The following CACNG3 variants were observed in gnomAD, a reference collection of about 807,000 sequenced individuals.
CACNG3 encodes the protein calcium voltage-gated channel auxiliary subunit gamma 3.
CACNG3 carries 3 observed loss-of-function variants against 28.5 expected under a neutral mutation model. The ratio of observed to expected loss-of-function variants is 0.11; its 90% CI spans 0.05 to 0.27. CACNG3 has a LOEUF of 0.27. CACNG3 is among the 10% of genes least tolerant of loss of function. CACNG3 has a pLI of 1.00. For missense variants in CACNG3, 236 were observed against 414.4 expected, an observed-to-expected ratio of 0.57 and a Z score of 3.74; for synonymous variants, 174 against 162.2, an observed-to-expected ratio of 1.07 and a Z score of -0.55.
At chr16:24,306,890 G>A (rs920166586) in intron 1 of CACNG3, among the ~76,000 whole-genome samples, 1 of 152,092 alleles carries the variant, frequency 6.6e-6, no homozygotes, top group Admixed American at 6.6e-5. Flanking sequence ...ATCAAGACTG[G>A]CCCCTTAGTC....
At chr16:24,286,072 G>T (rs73554410) in intron 1 of CACNG3, among the ~76,000 whole-genome samples, 2,008 of 152,118 alleles carry the variant, frequency 0.013, 38 homozygotes, top group African/African-American at 0.046. Flanking sequence ...TTGAACTCCT[G>T]AGCTCAAGCA....
intron 1 of CACNG3, among the ~76,000 whole-genome samples, chr16:24,262,631 C>T (rs536326134): frequency 2.6e-5 from 4 of 152,302 alleles, no homozygotes; most frequent in Admixed American, 1.3e-4. Flanking sequence ...CCCTACAAAA[C>T]CATTCATTCT....
chr16:24,319,624 T>A (rs574339400), intron 1 of CACNG3, among the ~76,000 whole-genome samples: 16 of 151,594 alleles, frequency 1.1e-4, no homozygotes, highest in African/African-American at 1.5e-4. Context: ...TTAATTTATT[T>A]ATTTATTTTC....
At chr16:24,261,676 GA>G (rs1225439374) in intron 1 of CACNG3, among the ~76,000 whole-genome samples, 1 of 152,114 alleles carries the variant, frequency 6.6e-6, no homozygotes, top group Non-Finnish European at 1.5e-5. Context: ...ACTTAGAAAA[GA>G]AAGCCCACTT....
intron 1 of CACNG3, among the ~76,000 whole-genome samples, chr16:24,326,528 A>C (rs1353347445): frequency 6.6e-6 from 1 of 152,196 alleles, no homozygotes; most frequent in Non-Finnish European, 1.5e-5. Context: ...TCACTGGACA[A>C]ACTTGGTCAC....
intron 1 of CACNG3, among the ~76,000 whole-genome samples, chr16:24,277,071 T>C (rs960869906): frequency 6.6e-6 from 1 of 152,150 alleles, no homozygotes; most frequent in Admixed American, 6.5e-5. Context: ...AATGGGCACT[T>C]GAAGGGAGGC....
At chr16:24,262,733 T>A (rs1163503051) in intron 1 of CACNG3, among the ~76,000 whole-genome samples, 2 of 152,238 alleles carry the variant, frequency 1.3e-5, no homozygotes, top group African/African-American at 4.8e-5. Context: ...TTACTCCTCT[T>A]CTTTCTTCCT....
chr16:24,315,556 CTTTCTTTCT>C (rs993121314), intron 1 of CACNG3, among the ~76,000 whole-genome samples: 3 of 137,490 alleles, frequency 2.2e-5, no homozygotes, highest in Non-Finnish European at 4.8e-5. Context: ...TTCTTTTCTT[CTTTCTTTCT>C]TTTCTTTCTT....
At position 24,256,461 on chromosome 16, in the gene CACNG3, C is replaced by CT. The variant is rs976304165; in HGVS notation, c.-291dup. ...AGCCATGCCCTGCACGGACCCTCGT[C>CT]TTTACCACGCTCCTGAGGAATGAAA... On this transcript the variant is annotated 5_prime_UTR_variant, in exon 1 of 4. It introduces an in-frame stop codon into an upstream open reading frame of the 5' UTR. Coordinates refer to ENST00000005284, the MANE Select transcript of CACNG3 (RefSeq NM_006539.4). This position sits in a 1 kb window ranked among gnomAD's most constrained non-coding sequence, Gnocchi z 4.6. The CT allele has an allele frequency of 1.8e-5, 7 of 396,200 alleles. No homozygotes were observed. Among genetic ancestry groups the CT allele is most frequent in the Non-Finnish European group, 2.8e-5 (6 of 214,754 alleles). 24.5% of individuals were successfully genotyped at this position (396,200 alleles called of 1,614,324 possible).
chr16:24,336,382 C>T (rs182718113), intron 1 of CACNG3, among the ~76,000 whole-genome samples: 146 of 151,438 alleles, frequency 9.6e-4, no homozygotes, highest in African/African-American at 3.4e-3. Context: ...CGCCATTCTC[C>T]GGCCTCAGCC....
chr16:24,313,414 A>C lies in CACNG3; in HGVS notation c.212-33320A>C, dbSNP rs144579672. The stretch of plus-strand genomic sequence containing the variant: ...CTCTGGCTCCAGAGTCTAAGCTCAT[A>C]AACCCTACACTAAGTTGTCTCAAGA... On this transcript the variant is annotated intron_variant, in intron 1 of 3. Transcript: ENST00000005284. 3.7e-3 allele frequency among the ~76,000 whole-genome samples: 557 copies of C among 152,278 alleles called. 5 individuals carry two copies. The highest frequency in any genetic ancestry group is 0.013 in the African/African-American group (524 of 41,560).
chr16:24,272,848 A>T (rs1443708610), intron 1 of CACNG3, among the ~76,000 whole-genome samples: 2 of 152,090 alleles, frequency 1.3e-5, no homozygotes, highest in Admixed American at 6.6e-5. Flanking sequence ...TTGCTTTTTT[A>T]AAATTTTATT....
intron 1 of CACNG3, among the ~76,000 whole-genome samples, chr16:24,292,108 G>A (rs1347625816): frequency 1.3e-5 from 2 of 152,150 alleles, no homozygotes; most frequent in Admixed American, 6.5e-5. Context: ...GGATAACCGG[G>A]CAGGCGGAGG....
In CACNG3 at chr16:24,332,715, C is replaced by T. The variant is rs188430228; in HGVS notation, c.212-14019C>T. Among the ~76,000 whole-genome samples, 185 of 152,194 alleles carry T rather than the reference C, an allele frequency of 1.2e-3. 1 individual carries two copies. The highest frequency in any genetic ancestry group is 2.8e-3 in the Admixed American group (43 of 15,286). On this transcript the variant is annotated intron_variant, in intron 1 of 3. Transcript: ENST00000005284. ...AAGGTTGCACGGACAGGCAAGTAAA[C>T]TCTGTCTTAATATGAATATGTGCAT... is the stretch of plus-strand genomic sequence containing the variant.
intron 1 of CACNG3, among the ~76,000 whole-genome samples, chr16:24,335,284 G>A (rs1899687578): frequency 6.6e-6 from 1 of 152,096 alleles, no homozygotes; most frequent in Non-Finnish European, 1.5e-5. Flanking sequence ...GCTGGGCGTG[G>A]TGGCGGGCAC....
chr16:24,326,094 G>A (rs1464317239), intron 1 of CACNG3, among the ~76,000 whole-genome samples: 4 of 152,164 alleles, frequency 2.6e-5, no homozygotes, highest in Admixed American at 2.0e-4. Flanking sequence ...GGGGTTGGGG[G>A]CTTGGCAACT....
chr16:24,330,028 CTG>C (rs1381089165), intron 1 of CACNG3, among the ~76,000 whole-genome samples: 1 of 151,914 alleles, frequency 6.6e-6, no homozygotes, highest in African/African-American at 2.4e-5. Flanking sequence ...CAGAGTGAGA[CTG>C]TGTCTCAAAA....
chr16:24,334,874 C>G (rs570141487), intron 1 of CACNG3, among the ~76,000 whole-genome samples: 10 of 152,286 alleles, frequency 6.6e-5, no homozygotes, highest in African/African-American at 2.4e-4. Flanking sequence ...CATGCACCCA[C>G]ATGCACAGGT....
intron 1 of CACNG3, among the ~76,000 whole-genome samples, chr16:24,310,924 C>T (rs1197590325): frequency 6.6e-6 from 1 of 152,176 alleles, no homozygotes; most frequent in African/African-American, 2.4e-5. Context: ...AAATTGGCTC[C>T]AGGAAGCTAC....
Sources: allele counts gnomAD v4.1 joint callset (sites outside exome capture counted in the v4.1 genomes callset), GRCh38; gene constraint gnomAD v4.1.1; non-coding constraint Gnocchi (gnomAD v3.1); transcripts MANE v1.5; gene names NCBI Gene and HGNC (gene_info 2026-07-23, HGNC 2026-07-21).